C1QTNF12: variants seen among roughly 807,000 people sequenced by gnomAD.
C1QTNF12 encodes the protein C1q and TNF related 12.
Under a neutral mutation model 34.3 loss-of-function variants are expected in C1QTNF12, and 39 were observed. The observed-to-expected ratio is 1.14, with a 90% CI of 0.88 to 1.49. C1QTNF12 has a LOEUF of 1.49. Ranked by LOEUF, C1QTNF12 falls within the 40% of genes most tolerant of loss-of-function variation. The pLI is 0.00. For synonymous variants in C1QTNF12, 220 were observed against 196.9 expected, an observed-to-expected ratio of 1.12 and a Z score of -0.98; for missense variants, 497 against 424.7, an observed-to-expected ratio of 1.17 and a Z score of -1.50.
At chr1:1,247,169 T>C (rs1308822341), upstream of C1QTNF12, among the ~76,000 whole-genome samples, 1 of 146,968 alleles carries the variant, frequency 6.8e-6, no homozygotes, top group African/African-American at 2.5e-5. Flanking sequence ...GCAGCCTACC[T>C]CCTCGCCCTC....
At chr1:1,242,984 A>G in intron 6 of C1QTNF12, 71 bp from the exon 7 acceptor site, 1 of 1,566,378 alleles carries the variant, frequency 6.4e-7, no homozygotes, top group South Asian at 1.2e-5. Flanking sequence ...TCCAGTGCCC[A>G]GAGACCCCTG....
At chr1:1,244,599 C>T (rs1638832288) in intron 1 of C1QTNF12, 102 bp from the exon 2 acceptor site, 3 of 936,956 alleles carry the variant, frequency 3.2e-6, no homozygotes, top group South Asian at 1.4e-5. Flanking sequence ...GGGAAGGCAT[C>T]GCCGGCCAGG....
chr1:1,244,200 G>A lies in C1QTNF12; in HGVS notation c.370C>T (p.Leu124=), dbSNP rs749792007. 7.4e-5 allele frequency: 117 copies of A among 1,588,692 alleles called. No homozygotes were observed. Among genetic ancestry groups the A allele is most frequent in the South Asian group, 1.7e-4 (15 of 87,408 alleles). ...AETLLHEFQE[L]LKEATERRFS... is the part of the protein sequence containing the mutation. ...GTGCAGGGCGGCTGACCTTTCAGCA[G>A]CTCCTGAAACTCGTGAAGCAGAGTC... The change falls in exon 3 of 8, where the codon CTG becomes TTG. Residue 124 remains leucine, a synonymous_variant. Coordinates refer to ENST00000330388, the MANE Select transcript of C1QTNF12 (RefSeq NM_001014980.3).
Position 1,246,538 on chromosome 1 carries a change from GC to G in C1QTNF12, c.152del (p.Arg51ProfsTer23). The G allele has an allele frequency of 8.1e-7, 1 of 1,237,176 alleles. No individual in the cohort carries two copies. The highest frequency in any genetic ancestry group is 3.7e-5 in the South Asian group (1 of 26,860). The allele number at this position is 1,237,176 out of a possible 1,614,324, so 76.6% of individuals were successfully genotyped here. On this transcript the variant is annotated frameshift_variant, in exon 1 of 8. Coordinates refer to ENST00000330388, the MANE Select transcript of C1QTNF12 (RefSeq NM_001014980.3). LOFTEE classifies it high-confidence loss of function. The surrounding 1 kb of genome is among the most constrained non-coding windows in gnomAD (Gnocchi z 4.5). ...PPNATASASSREGLPEAPKPS... is the reference protein window; with the variant it reads ...PPNATASASSXEGLPEAPKPS... ...CCTTGGGGGCCTCGGGCAGCCCCTC[GC>G]GGGAGGACGCGCTGGCGGTGGCGTT... is the stretch of plus-strand genomic sequence containing the variant.
intron 1 of C1QTNF12, among the ~76,000 whole-genome samples, chr1:1,245,857 G>C (rs998297300): frequency 3.3e-5 from 5 of 152,162 alleles, no homozygotes; most frequent in African/African-American, 1.2e-4. Flanking sequence ...TGGCAACTGC[G>C]GCTCCCCTCC....
At chr1:1,242,678 G>A in intron 7 of C1QTNF12, 32 bp from the exon 8 acceptor site, 1 of 1,570,490 alleles carries the variant, frequency 6.4e-7, no homozygotes, top group East Asian at 2.4e-5. Flanking sequence ...CACAACCGCA[G>A]CCACAGCCCA....
chr1:1,245,604 C>T (rs1208034916), intron 1 of C1QTNF12, among the ~76,000 whole-genome samples: 2 of 152,002 alleles, frequency 1.3e-5, no homozygotes, highest in Admixed American at 1.3e-4. Flanking sequence ...CTGAAGACCC[C>T]CCCACTGCCC....
chr1:1,243,833 GA>G, intron 4 of C1QTNF12, 120 bp downstream of exon 4: 1 of 831,060 alleles, frequency 1.2e-6, no homozygotes, highest in Non-Finnish European at 1.8e-6. Flanking sequence ...CTCGCCCTCC[GA>G]GCCCCGCCCC....
intron 1 of C1QTNF12, 32 bp from the exon 2 acceptor site, chr1:1,244,529 G>T: frequency 6.7e-7 from 1 of 1,501,862 alleles, no homozygotes; most frequent in Non-Finnish European, 9.3e-7. Flanking sequence ...AGCGCACTGA[G>T]GCTGCACCCT....
At position 1,244,175 on chromosome 1, in the gene C1QTNF12, G is replaced by C. The variant is rs111528198; in HGVS notation, c.379+16C>G. ...CCCAGGCACGTCTGGTCTCTGGGCA[G>C]TGCAGGGCGGCTGACCTTTCAGCAG... is the stretch of plus-strand genomic sequence containing the variant. On this transcript the variant is annotated intron_variant, in intron 3 of 7. Coordinates refer to ENST00000330388, the MANE Select transcript of C1QTNF12 (RefSeq NM_001014980.3). The C allele has an allele frequency of 1.6e-3, 2,532 of 1,573,100 alleles. 20 individuals are homozygous for C. The African/African-American group carries it at 0.02, about 13-fold the overall frequency.
chr1:1,242,654 A>C lies in C1QTNF12; in HGVS notation c.811-8T>G. The stretch of plus-strand genomic sequence containing the variant: ...AGAAGCGTACTGTCCAGCCTGTAAG[A>C]AGCACGGGGACGTCACAACCGCAGC... On this transcript the variant is annotated splice_polypyrimidine_tract_variant and splice_region_variant and intron_variant, in intron 7 of 7. Transcript: ENST00000330388. 5.0e-6 allele frequency: 8 copies of C among 1,585,522 alleles called. No homozygotes were observed. The highest frequency in any genetic ancestry group is 2.3e-5 in the East Asian group (1 of 43,326).
rs750775686 is a variant in C1QTNF12 at position 1,244,509 on chromosome 1, G to A, written c.178-12C>T. ...GAGGCCTGGGATGGCTGAAGGGACG[G>A]GACGGGGCTAGCGCACTGAGGCTGC... On this transcript the variant is annotated splice_polypyrimidine_tract_variant and intron_variant, in intron 1 of 7. Transcript: ENST00000330388. The A allele has an allele frequency of 6.3e-7, 1 of 1,590,804 alleles. No homozygotes were observed. Among genetic ancestry groups the A allele is most frequent in the Non-Finnish European group, 8.6e-7 (1 of 1,160,568 alleles).
At chr1:1,243,604 C>T (rs1171627416) in intron 4 of C1QTNF12, 52 bp from the exon 5 acceptor site, 4 of 1,432,626 alleles carry the variant, frequency 2.8e-6, no homozygotes, top group East Asian at 2.5e-5. Flanking sequence ...CCCCACCCCA[C>T]AGACCCCGCC....
chr1:1,246,552 T>G lies in C1QTNF12; in HGVS notation c.139A>C (p.Ser47Arg). The G allele has an allele frequency of 8.1e-7, 1 of 1,239,940 alleles. No individual in the cohort carries two copies. The highest frequency in any genetic ancestry group is 1.0e-6 in the Non-Finnish European group (1 of 991,822). 76.8% of individuals were successfully genotyped at this position (1,239,940 alleles called of 1,614,324 possible). ...GGCAGCCCCTCGCGGGAGGACGCGC[T>G]GGCGGTGGCGTTGGGGGGATCTGCG... ...QRADPPNATA[S>R]ASSREGLPEA... Residue 47 changes from serine (S) to arginine (R), a missense_variant, in exon 1 of 8, where the codon AGC (serine) becomes CGC (arginine). Transcript: ENST00000330388. The surrounding 1 kb of genome is among the most constrained non-coding windows in gnomAD (Gnocchi z 4.5).
In C1QTNF12 at chr1:1,242,945, C is replaced by T. The variant is rs766564916; in HGVS notation, c.732-32G>A. The T allele has an allele frequency of 1.1e-5, 17 of 1,603,468 alleles. No homozygotes were observed. The East Asian group carries it at 1.8e-4, about 17-fold the overall frequency. On this transcript the variant is annotated intron_variant, in intron 6 of 7. Coordinates refer to ENST00000330388, the MANE Select transcript of C1QTNF12 (RefSeq NM_001014980.3). ...ACAGCCCCACAGGGCAAGAGGGAGG[C>T]GTTGCAGGTCCAGGGGGCCAAGACC... is the stretch of plus-strand genomic sequence containing the variant.
At position 1,242,479 on chromosome 1, in the gene C1QTNF12, G is replaced by T; in HGVS notation, c.*69C>A. 8.2e-7 allele frequency: 1 copy of T among 1,212,140 alleles called. No individual in the cohort carries two copies. The highest frequency in any genetic ancestry group is 1.2e-6 in the Non-Finnish European group (1 of 858,916). 75.1% of individuals were successfully genotyped at this position (1,212,140 alleles called of 1,614,324 possible). Reference sequence around the variant, plus strand: ...AGGGTGGAGGGCTCTTTATTGTGGTGACCACGGGCATCAGTAGGAGGGTCC... The same window carrying T: ...AGGGTGGAGGGCTCTTTATTGTGGTTACCACGGGCATCAGTAGGAGGGTCC... On this transcript the variant is annotated 3_prime_UTR_variant, in exon 8 of 8. Coordinates refer to ENST00000330388, the MANE Select transcript of C1QTNF12 (RefSeq NM_001014980.3).
chr1:1,243,307 G>T, intron 5 of C1QTNF12, 137 bp downstream of exon 5: 1 of 1,018,710 alleles, frequency 9.8e-7, no homozygotes, highest in Non-Finnish European at 1.4e-6. Context: ...GGGACCCCAT[G>T]CCCAGTCCAA....
At chr1:1,243,840 G>GCCCCCCCC in intron 4 of C1QTNF12, 114 bp downstream of exon 4, 1 of 508,070 alleles carries the variant, frequency 2.0e-6, no homozygotes, top group African/African-American at 2.1e-5. Context: ...TCCGAGCCCC[G>GCCCCCCCC]CCCCCAGCCC....
chr1:1,243,242 C>A, intron 5 of C1QTNF12, 90 bp from the exon 6 acceptor site: 1 of 1,104,878 alleles, frequency 9.1e-7, no homozygotes, highest in Non-Finnish European at 1.3e-6. Flanking sequence ...CCAGGACAGG[C>A]CCAGGAGTGG....
Sources: gnomAD v4.1 joint callset for allele counts (sites outside exome capture counted in the v4.1 genomes callset) on GRCh38, gnomAD v4.1.1 for gene constraint, Gnocchi (gnomAD v3.1) non-coding constraint, MANE v1.5 for transcripts, NCBI Gene and HGNC (gene_info 2026-07-23, HGNC 2026-07-21) for gene names.